The following LHFPL3 variants were observed in gnomAD, a reference collection of about 807,000 sequenced individuals.
LHFPL3 encodes LHFPL tetraspan subfamily member 3.
In LHFPL3, 5 loss-of-function variants were observed where a neutral mutation model predicts 19.3. The ratio of observed to expected loss-of-function variants is 0.26; its 90% CI spans 0.14 to 0.54. LHFPL3 has a LOEUF of 0.54. Among genes scored for constraint, LHFPL3 ranks in the 20% least tolerant of loss-of-function variants. The pLI is 0.94. For missense variants in LHFPL3, 249 were observed against 307.4 expected (o/e 0.81, Z 1.42); for synonymous variants, 133 against 126.2 (o/e 1.05, Z -0.36).
At chr7:104,755,664 T>G (rs1794270125) in intron 2 of LHFPL3, among the ~76,000 whole-genome samples, 1 of 151,900 alleles carries the variant, frequency 6.6e-6, no homozygotes, top group African/African-American at 2.4e-5. Context: ...TATTAGTTTT[T>G]TGGTGTTTGT....
intron 1 of LHFPL3, among the ~76,000 whole-genome samples, chr7:104,636,531 C>T (rs1396854883): frequency 3.9e-5 from 6 of 152,084 alleles, no homozygotes; most frequent in Non-Finnish European, 4.4e-5. Context: ...TCCTTCCTCC[C>T]ACCCTTCTCC....
chr7:104,772,917 T>TAAAAGCGCTGTC (rs1342385475), intron 2 of LHFPL3, among the ~76,000 whole-genome samples: 2 of 152,260 alleles, frequency 1.3e-5, no homozygotes, highest in Non-Finnish European at 2.9e-5. Flanking sequence ...GGAGTGCTGT[T>TAAAAGCGCTGTC]AACAGCGCTG....
chr7:104,848,553 C>G (rs1435188782), intron 2 of LHFPL3, among the ~76,000 whole-genome samples: 1 of 151,994 alleles, frequency 6.6e-6, no homozygotes, highest in Non-Finnish European at 1.5e-5. Context: ...CTTCTTTGCC[C>G]CTTCCTAGGA....
chr7:104,432,859 C>T (rs185378841), intron 1 of LHFPL3, among the ~76,000 whole-genome samples: 71 of 152,182 alleles, frequency 4.7e-4, no homozygotes, highest in Admixed American at 3.2e-3. Context: ...TTTTATCTTC[C>T]TGTGTTTTAG....
At chr7:104,801,741 TTTG>T (rs1790250833) in intron 2 of LHFPL3, among the ~76,000 whole-genome samples, 1 of 152,082 alleles carries the variant, frequency 6.6e-6, no homozygotes, top group South Asian at 2.1e-4. Flanking sequence ...CAGCTAATTT[TTTG>T]TATTTTTAGT....
intron 1 of LHFPL3, among the ~76,000 whole-genome samples, chr7:104,518,369 A>G (rs1406306897): frequency 2.0e-5 from 3 of 152,166 alleles, no homozygotes; most frequent in Non-Finnish European, 4.4e-5. Flanking sequence ...TTTCCAGGGT[A>G]AAAATATATT....
At position 104,726,833 on chromosome 7, in the gene LHFPL3, T is replaced by C. The variant is rs565826565; in HGVS notation, c.446-9842T>C. 9.2e-5 allele frequency among the ~76,000 whole-genome samples: 14 copies of C among 152,318 alleles called. No homozygotes were observed. In the South Asian group the frequency reaches 2.9e-3, roughly 32 times the overall value. ...TTTATAATACAATGATTTATATTCC[T>C]TTGGGTATATATCCAGTAATGGGAT... On this transcript the variant is annotated intron_variant, in intron 1 of 2. Transcript: ENST00000424859.
intron 1 of LHFPL3, among the ~76,000 whole-genome samples, chr7:104,611,601 G>T (rs1158130679): frequency 6.6e-6 from 1 of 152,028 alleles, no homozygotes; most frequent in East Asian, 1.9e-4. Flanking sequence ...AGCAAGTGAA[G>T]AAAAGGGAAA....
intron 1 of LHFPL3, among the ~76,000 whole-genome samples, chr7:104,576,511 AT>A (rs1443753912): frequency 6.6e-6 from 1 of 152,154 alleles, no homozygotes; most frequent in Non-Finnish European, 1.5e-5. Context: ...TGGCATTGCT[AT>A]TAGTTCTTAA....
rs540546232 is a variant in LHFPL3 at position 104,347,026 on chromosome 7, A to G, written c.445+17802A>G. Among the ~76,000 whole-genome samples, 3 of 129,836 alleles carry G rather than the reference A, an allele frequency of 2.3e-5. No homozygotes were observed. The East Asian group carries it at 7.9e-4, about 34-fold the overall frequency. 85.2% of individuals were successfully genotyped at this position (129,836 alleles called of 152,430 possible). A position where few individuals can be genotyped will look rare whatever the true frequency, so the allele number is the denominator to read the frequency against. On this transcript the variant is annotated intron_variant, in intron 1 of 2. Transcript: ENST00000424859. ...TGACCTTGGACCAGTTCCTTAGCCTATCTGTGCCTCAGTTTCCTCATCTGT... is the reference window on the plus strand; with the variant it reads ...TGACCTTGGACCAGTTCCTTAGCCTGTCTGTGCCTCAGTTTCCTCATCTGT...
At chr7:104,389,355 G>A (rs1791013907) in intron 1 of LHFPL3, among the ~76,000 whole-genome samples, 1 of 152,096 alleles carries the variant, frequency 6.6e-6, no homozygotes, top group African/African-American at 2.4e-5. Context: ...ACAAGACATT[G>A]TCAAAATAAA....
At chr7:104,858,056 C>T (rs550593271) in intron 2 of LHFPL3, among the ~76,000 whole-genome samples, 2 of 152,306 alleles carry the variant, frequency 1.3e-5, no homozygotes, top group Admixed American at 6.5e-5. Flanking sequence ...AATATAAAAA[C>T]TGTGTACAGA....
At chr7:104,586,203 G>A in intron 1 of LHFPL3, among the ~76,000 whole-genome samples, 1 of 152,082 alleles carries the variant, frequency 6.6e-6, no homozygotes, top group African/African-American at 2.4e-5. Context: ...TTGAGCCTAG[G>A]GAAAATTTAA....
Position 104,430,384 on chromosome 7 carries a change from A to ATGTATATATATATATATACGTG in LHFPL3, c.445+101161_445+101162insGTATATATATATATATACGTGT, listed in dbSNP as rs1491565896. Among the ~76,000 whole-genome samples the ATGTATATATATATATATACGTG allele has an allele frequency of 7.2e-4, 26 of 36,028 alleles. 4 individuals carry two copies. Among genetic ancestry groups the ATGTATATATATATATATACGTG allele is most frequent in the Non-Finnish European group, 9.3e-4 (21 of 22,676 alleles). 23.6% of individuals were successfully genotyped at this position (36,028 alleles called of 152,430 possible). On this transcript the variant is annotated intron_variant, in intron 1 of 2. Coordinates refer to ENST00000424859, the MANE Select transcript of LHFPL3 (RefSeq NM_199000.3). ...CATTTCTGTGGGTATATATATATAC[A>ATGTATATATATATATATACGTG]TATATATATATATATATATACATAT... is the stretch of plus-strand genomic sequence containing the variant.
chr7:104,697,806 C>A (rs1793026013), intron 1 of LHFPL3, among the ~76,000 whole-genome samples: 1 of 152,168 alleles, frequency 6.6e-6, no homozygotes, highest in African/African-American at 2.4e-5. Flanking sequence ...CATTTGTGCT[C>A]ATGGAGCAAC....
chr7:104,459,547 G>C (rs1267773962), intron 1 of LHFPL3, among the ~76,000 whole-genome samples: 1 of 152,148 alleles, frequency 6.6e-6, no homozygotes, highest in Non-Finnish European at 1.5e-5. Context: ...GGATGTGGAA[G>C]GCAGAAATTT....
intron 1 of LHFPL3, among the ~76,000 whole-genome samples, chr7:104,730,000 G>T (rs1793668424): frequency 3.3e-5 from 5 of 151,928 alleles, no homozygotes; most frequent in African/African-American, 4.8e-5. Context: ...GCAGTGTTTG[G>T]TTTTTTGTCC....
chr7:104,470,311 G>A (rs921640453), intron 1 of LHFPL3, among the ~76,000 whole-genome samples: 3 of 152,180 alleles, frequency 2.0e-5, no homozygotes. Flanking sequence ...AATGAGCTAT[G>A]TCACAGGCAG....
chr7:104,497,309 G>GAAA (rs34908934), intron 1 of LHFPL3, among the ~76,000 whole-genome samples: 56 of 96,628 alleles, frequency 5.8e-4, no homozygotes, highest in South Asian at 1.2e-3. Context: ...TTGAGAAAAG[G>GAAA]AAAAAAAAAA....
Sources: allele counts gnomAD v4.1 joint callset (sites outside exome capture counted in the v4.1 genomes callset), GRCh38; gene constraint gnomAD v4.1.1; transcripts MANE v1.5; gene names NCBI Gene and HGNC (gene_info 2026-07-23, HGNC 2026-07-21).